The following DISC1 variants were observed in gnomAD, a reference collection of about 807,000 sequenced individuals.
The protein encoded by DISC1 is DISC1 scaffold protein, also known as disrupted in schizophrenia 1 protein.
DISC1 carries 57 observed loss-of-function variants against 84.5 expected under a neutral mutation model. That is an observed-to-expected ratio of 0.67 (90% CI 0.55 to 0.84). The LOEUF is 0.84. Ranked by LOEUF, DISC1 falls within the 40% of genes least tolerant of loss-of-function variation. DISC1 has a pLI of 0.00. For synonymous variants in DISC1, 411 were observed against 415.2 expected (o/e 0.99, Z 0.12); for missense variants, 1,000 against 1,057.8 (o/e 0.95, Z 0.76).
chr1:231,851,430 A>G (rs938845180), intron 9 of DISC1, among the ~76,000 whole-genome samples: 1 of 152,214 alleles, frequency 6.6e-6, no homozygotes, highest in Non-Finnish European at 1.5e-5. Flanking sequence ...AACCTGCTAT[A>G]AAACAGTCAG....
At position 232,009,008 on chromosome 1, in the gene DISC1, C is replaced by T; in HGVS notation, c.2266C>T (p.Leu756Phe). ...LKVLEEWKTH[L>F]IPSLHCAGGE... ...GGTATTGGAAGAATGGAAGACTCAC[C>T]TCATCCCCTCTCTGCACTGTGCTGG... Residue 756 changes from leucine to phenylalanine, a missense_variant, in exon 11 of 13, where the codon CTC (leucine) becomes TTC (phenylalanine). Around this residue, in one of 3 missense-constraint regions of DISC1, gnomAD observed 397 missense variants for 377.5 expected, o/e 1.05. Coordinates refer to ENST00000439617, the MANE Select transcript of DISC1 (RefSeq NM_018662.3). The surrounding 1 kb of genome is among the most constrained non-coding windows in gnomAD (Gnocchi z 4.6). The T allele has an allele frequency of 6.2e-7, 1 of 1,613,892 alleles. No homozygotes were observed. The highest frequency in any genetic ancestry group is 2.2e-5 in the East Asian group (1 of 44,864).
intron 3 of DISC1, among the ~76,000 whole-genome samples, chr1:231,730,582 T>C (rs1161782743): frequency 6.6e-6 from 1 of 152,206 alleles, no homozygotes; most frequent in African/African-American, 2.4e-5. Flanking sequence ...ATAGTGCAGT[T>C]TCTACAGTTA....
intron 9 of DISC1, among the ~76,000 whole-genome samples, chr1:231,870,825 T>C (rs553738111): frequency 3.9e-5 from 6 of 152,366 alleles, no homozygotes; most frequent in African/African-American, 1.4e-4. Context: ...AACTGAGATA[T>C]GCCTGGTGAA....
At chr1:231,664,076 A>ATCCATCCG (rs2061799006) in intron 1 of DISC1, among the ~76,000 whole-genome samples, 1 of 151,718 alleles carries the variant, frequency 6.6e-6, no homozygotes, top group African/African-American at 2.4e-5. Context: ...CCATCCATCC[A>ATCCATCCG]TCCGTCTATC....
intron 10 of DISC1, among the ~76,000 whole-genome samples, chr1:231,998,531 C>G (rs1666258840): frequency 6.6e-6 from 1 of 152,144 alleles, no homozygotes; most frequent in Non-Finnish European, 1.5e-5. Flanking sequence ...AGGATGAGAA[C>G]TAGATCGACC....
intron 9 of DISC1, among the ~76,000 whole-genome samples, chr1:231,886,097 C>T (rs919349613): frequency 3.9e-5 from 6 of 152,046 alleles, no homozygotes; most frequent in Non-Finnish European, 8.8e-5. Context: ...TCTAATGAAC[C>T]CCCTCCCACA....
chr1:231,953,112 C>G (rs1658782480), intron 9 of DISC1, among the ~76,000 whole-genome samples: 1 of 152,148 alleles, frequency 6.6e-6, no homozygotes, highest in Non-Finnish European at 1.5e-5. Context: ...TTCACTGATA[C>G]TATTATTTAG....
chr1:231,823,034 G>A (rs2081609596), intron 9 of DISC1, among the ~76,000 whole-genome samples: 2 of 152,146 alleles, frequency 1.3e-5, no homozygotes, highest in Non-Finnish European at 2.9e-5. Context: ...AAGGTTTGGA[G>A]GTCAAAGAAA....
intron 9 of DISC1, among the ~76,000 whole-genome samples, chr1:231,916,568 T>C (rs2089646621): frequency 7.2e-6 from 1 of 139,744 alleles, no homozygotes; most frequent in African/African-American, 2.7e-5. Context: ...GGCAGGAGAA[T>C]GGCGTGAACC....
intron 10 of DISC1, among the ~76,000 whole-genome samples, chr1:231,973,085 T>C (rs1182838983): frequency 4.6e-5 from 7 of 151,468 alleles, no homozygotes. Context: ...CTCACTCTGT[T>C]ATCCAGGCTG....
At chr1:232,027,365 T>G (rs1214652869) in intron 12 of DISC1, among the ~76,000 whole-genome samples, 4 of 152,234 alleles carry the variant, frequency 2.6e-5, no homozygotes, top group Admixed American at 2.6e-4. Flanking sequence ...ATTTAGTCCT[T>G]TCTGCTTCCC....
chr1:231,905,090 C>A (rs964105535), intron 9 of DISC1, among the ~76,000 whole-genome samples: 2 of 152,104 alleles, frequency 1.3e-5, no homozygotes, highest in Non-Finnish European at 2.9e-5. Flanking sequence ...AGTGGAGAAG[C>A]CTGACAGAGA....
intron 3 of DISC1, among the ~76,000 whole-genome samples, chr1:231,740,505 C>T (rs1044589537): frequency 6.6e-6 from 1 of 152,164 alleles, no homozygotes; most frequent in Non-Finnish European, 1.5e-5. Flanking sequence ...GGTGGCTGAG[C>T]GAGCTCACTT....
intron 10 of DISC1, among the ~76,000 whole-genome samples, chr1:231,997,788 TG>T (rs1410581647): frequency 6.6e-6 from 1 of 152,160 alleles, no homozygotes; most frequent in East Asian, 1.9e-4. Flanking sequence ...CTGAACCCAC[TG>T]GGACCTGCAC....
At chr1:231,854,760 C>A in intron 9 of DISC1, 1 of 163,678 alleles carries the variant, frequency 6.1e-6, no homozygotes, top group Non-Finnish European at 1.3e-5. Flanking sequence ...CTCTGTCGCC[C>A]AGTCTGGAGT....
intron 1 of DISC1, among the ~76,000 whole-genome samples, chr1:231,683,438 T>TG (rs1168414486): frequency 2.6e-5 from 4 of 151,244 alleles, no homozygotes; most frequent in African/African-American, 9.7e-5. Flanking sequence ...TTTTTTTTTT[T>TG]TTTTTGAGAC....
intron 10 of DISC1, 21 bp downstream of exon 10, chr1:231,958,909 A>G: frequency 6.2e-7 from 1 of 1,609,542 alleles, no homozygotes; most frequent in Non-Finnish European, 8.5e-7. Context: ...TAATTTCTGT[A>G]TTTCAGACTC....
chr1:231,737,626 A>G (rs2072683725), intron 3 of DISC1, among the ~76,000 whole-genome samples: 1 of 152,212 alleles, frequency 6.6e-6, no homozygotes, highest in African/African-American at 2.4e-5. Context: ...AAATGAGGAG[A>G]CTTAGAACAG....
At chr1:231,679,591 C>T (rs923588817) in intron 1 of DISC1, among the ~76,000 whole-genome samples, 3 of 152,060 alleles carry the variant, frequency 2.0e-5, no homozygotes, top group Non-Finnish European at 4.4e-5. Flanking sequence ...TTAAAGCATC[C>T]CCAGAGACTT....
Sources: gnomAD v4.1 joint callset for allele counts (sites outside exome capture counted in the v4.1 genomes callset) on GRCh38, gnomAD v4.1.1 for gene constraint, gnomAD v4.1.1 regional missense constraint, Gnocchi (gnomAD v3.1) non-coding constraint, MANE v1.5 for transcripts, NCBI Gene and HGNC (gene_info 2026-07-23, HGNC 2026-07-21) for gene names.